FXR2: variants seen among roughly 807,000 people sequenced by gnomAD.
FXR2 encodes the protein RNA-binding protein FXR2.
FXR2 carries 9 observed loss-of-function variants against 87.3 expected under a neutral mutation model. That is an observed-to-expected ratio of 0.10 (90% CI 0.06 to 0.18). The LOEUF (loss-of-function observed/expected upper bound fraction) is 0.18. Among genes scored for constraint, FXR2 ranks in the 10% least tolerant of loss-of-function variants. FXR2 has a pLI of 1.00. For missense variants in FXR2, 661 were observed against 893.6 expected (o/e 0.74, Z 3.32); for synonymous variants, 331 against 328.3 (o/e 1.01, Z -0.09).
chr17:7,598,838 G>A (rs959872675), intron 7 of FXR2, among the ~76,000 whole-genome samples: 6 of 152,064 alleles, frequency 3.9e-5, no homozygotes, highest in East Asian at 1.9e-4. Flanking sequence ...GTGAAACTCC[G>A]TCTCTACTAA....
Position 7,592,629 on chromosome 17 carries a change from C to T in FXR2, c.1730-30G>A. On this transcript the variant is annotated intron_variant, in intron 14 of 16. Transcript: ENST00000250113. This position sits in a 1 kb window ranked among gnomAD's most constrained non-coding sequence, Gnocchi z 4.8. Reference sequence around the variant, plus strand: ...AGGGTAGGAAAAAACCAGAGTCACACATCCAACCTCCCACCCTCGATTCCT... The same window carrying T: ...AGGGTAGGAAAAAACCAGAGTCACATATCCAACCTCCCACCCTCGATTCCT... 6.2e-7 allele frequency: 1 copy of T among 1,612,744 alleles called. No individual in the cohort carries two copies. The highest frequency in any genetic ancestry group is 1.1e-5 in the South Asian group (1 of 91,054).
intron 1 of FXR2, among the ~76,000 whole-genome samples, chr17:7,608,080 C>T (rs940557065): frequency 4.6e-5 from 7 of 152,074 alleles, no homozygotes; most frequent in East Asian, 3.9e-4. Flanking sequence ...TATGAACCAT[C>T]GCACCAGGCC....
chr17:7,602,743 A>AC, intron 6 of FXR2, 166 bp downstream of exon 6: 2 of 539,836 alleles, frequency 3.7e-6, no homozygotes, highest in Non-Finnish European at 6.6e-6. Context: ...AAAAAGAAAA[A>AC]AAAAAGGTAG....
chr17:7,609,462 T>C (rs1370897042), intron 1 of FXR2, among the ~76,000 whole-genome samples: 1 of 152,220 alleles, frequency 6.6e-6, no homozygotes, highest in East Asian at 1.9e-4. Context: ...AAGGCTTTAA[T>C]TACTACTGGT....
rs1052193164 is a variant in FXR2 at position 7,595,443 on chromosome 17, C to T, written c.831+381G>A. Among the ~76,000 whole-genome samples the T allele has an allele frequency of 1.3e-4, 19 of 151,892 alleles. No homozygotes were observed. Among genetic ancestry groups the T allele is most frequent in the East Asian group, 5.8e-4 (3 of 5,164 alleles). On this transcript the variant is annotated intron_variant, in intron 8 of 16. Coordinates refer to ENST00000250113, the MANE Select transcript of FXR2 (RefSeq NM_004860.4). This position sits in a 1 kb window ranked among gnomAD's most constrained non-coding sequence, Gnocchi z 4.7. ...CTGGGGCCACAGATGCATGCCACCA[C>T]GCTCAGTTAACGTTTTTTGGTTTTT...
rs1292543178 is a variant in FXR2 at position 7,593,252 on chromosome 17, G to C, written c.1331-71C>G. On this transcript the variant is annotated intron_variant, in intron 12 of 16. Transcript: ENST00000250113. The surrounding 1 kb of genome is among the most constrained non-coding windows in gnomAD (Gnocchi z 6.1). The stretch of plus-strand genomic sequence containing the variant: ...AGGATCCATCACATCCCCCAAACTG[G>C]AAGAATTCTCCTTCTCACTCACAAG... The C allele has an allele frequency of 3.8e-6, 5 of 1,304,430 alleles. No homozygotes were observed. Among genetic ancestry groups the C allele is most frequent in the Non-Finnish European group, 5.2e-6 (5 of 959,812 alleles). 80.8% of individuals were successfully genotyped at this position (1,304,430 alleles called of 1,614,324 possible). A position where few individuals can be genotyped will look rare whatever the true frequency, so the allele number is the denominator to read the frequency against.
intron 7 of FXR2, among the ~76,000 whole-genome samples, chr17:7,600,232 CTT>C (rs1161096825): frequency 1.1e-4 from 17 of 150,880 alleles, no homozygotes; most frequent in African/African-American, 2.4e-5. Context: ...GAGTTTCACT[CTT>C]GTCACCCAGG....
intron 1 of FXR2, chr17:7,613,911 ATCTGACCATTTC>A (rs1469594561): frequency 2.5e-6 from 1 of 397,620 alleles, no homozygotes; most frequent in Non-Finnish European, 5.1e-6. Context: ...TCGTAAATGG[ATCTGACCATTTC>A]TCCTTGGCTT....
At chr17:7,605,940 A>T (rs2071799799) in intron 2 of FXR2, 157 bp downstream of exon 2, 7 of 652,700 alleles carry the variant, frequency 1.1e-5, no homozygotes, top group Non-Finnish European at 5.4e-6. Flanking sequence ...CCCTCACCAA[A>T]TTCTCAGCCC....
At chr17:7,613,248 G>A (rs547864090) in intron 1 of FXR2, among the ~76,000 whole-genome samples, 6 of 152,014 alleles carry the variant, frequency 3.9e-5, no homozygotes, top group Admixed American at 1.3e-4. Context: ...CCATGGGAAG[G>A]TATCTCTTCC....
chr17:7,614,327 A>C, intron 1 of FXR2, 125 bp downstream of exon 1: 1 of 749,612 alleles, frequency 1.3e-6, no homozygotes, highest in South Asian at 1.7e-5. Flanking sequence ...TGCGGGTTGG[A>C]GCAAGGGTCC....
intron 7 of FXR2, 90 bp from the exon 8 acceptor site, chr17:7,596,084 T>C: frequency 5.2e-6 from 5 of 966,334 alleles, no homozygotes; most frequent in Non-Finnish European, 6.5e-6. Context: ...TAAGGAAAAC[T>C]GTGTGATATT....
At chr17:7,597,301 AC>A (rs2071715086) in intron 7 of FXR2, among the ~76,000 whole-genome samples, 1 of 152,134 alleles carries the variant, frequency 6.6e-6, no homozygotes, top group South Asian at 2.1e-4. Flanking sequence ...GAAATACACT[AC>A]TTCCCACTTC....
intron 7 of FXR2, among the ~76,000 whole-genome samples, chr17:7,599,892 C>G (rs1349353640): frequency 6.6e-6 from 1 of 152,110 alleles, no homozygotes; most frequent in Admixed American, 6.5e-5. Context: ...AACAAAAAAA[C>G]AAGAAATATC....
At chr17:7,609,950 G>GTATATA (rs1466375644) in intron 1 of FXR2, among the ~76,000 whole-genome samples, 2 of 116,524 alleles carry the variant, frequency 1.7e-5, no homozygotes, top group Admixed American at 8.9e-5. Context: ...ACATGTATAT[G>GTATATA]TATACATATA....
At chr17:7,606,901 A>G (rs924169155) in intron 1 of FXR2, among the ~76,000 whole-genome samples, 1 of 152,166 alleles carries the variant, frequency 6.6e-6, no homozygotes, top group South Asian at 2.1e-4. Flanking sequence ...ATTCACCCCT[A>G]TGCTCCCAAT....
intron 7 of FXR2, among the ~76,000 whole-genome samples, chr17:7,600,673 C>G (rs2071747755): frequency 6.6e-6 from 1 of 151,900 alleles, no homozygotes; most frequent in South Asian, 2.1e-4. Context: ...ATCATGAGGT[C>G]AGGAGTTTGA....
In FXR2 at chr17:7,593,330, ACTTC is replaced by A; in HGVS notation, c.1330+69_1330+72del. On this transcript the variant is annotated intron_variant, in intron 12 of 16. Transcript: ENST00000250113. This position sits in a 1 kb window ranked among gnomAD's most constrained non-coding sequence, Gnocchi z 6.1. ...TCATCTCCATTCCAGATTTCCCCAA[ACTTC>A]CATCCAGACCTCTGCCTCTACCCAC... 7.7e-7 allele frequency: 1 copy of A among 1,295,538 alleles called. No individual in the cohort carries two copies. The highest frequency in any genetic ancestry group is 1.1e-6 in the Non-Finnish European group (1 of 939,246). 80.3% of individuals were successfully genotyped at this position (1,295,538 alleles called of 1,614,324 possible).
At chr17:7,601,984 T>C (rs2071760540) in intron 6 of FXR2, among the ~76,000 whole-genome samples, 1 of 152,112 alleles carries the variant, frequency 6.6e-6, no homozygotes, top group Non-Finnish European at 1.5e-5. Flanking sequence ...CCACAAAGGC[T>C]GACTATCAGG....
Sources: allele counts gnomAD v4.1 joint callset (sites outside exome capture counted in the v4.1 genomes callset), GRCh38; gene constraint gnomAD v4.1.1; non-coding constraint Gnocchi (gnomAD v3.1); transcripts MANE v1.5; gene names NCBI Gene and HGNC (gene_info 2026-07-23, HGNC 2026-07-21).